OLAH: variants seen among roughly 807,000 people sequenced by gnomAD.
OLAH encodes oleoyl-ACP hydrolase, also known as S-acyl fatty acid synthase thioesterase, medium chain.
A neutral mutation model predicts 27.8 loss-of-function variants in OLAH; 33 were observed. That is an observed-to-expected ratio of 1.19 (90% confidence interval 0.90 to 1.59). The LOEUF (loss-of-function observed/expected upper bound fraction) is 1.59. OLAH is among the 40% of genes most tolerant of loss of function. The pLI, the probability that OLAH is intolerant of heterozygous loss-of-function variation, is 0.00. For missense variants in OLAH, 359 were observed against 310.8 expected (o/e 1.16, Z -1.17); for synonymous variants, 120 against 102.9 (o/e 1.17, Z -1.01).
intron 1 of OLAH, among the ~76,000 whole-genome samples, chr10:15,044,736 T>C (rs952713995): frequency 6.6e-6 from 1 of 152,194 alleles, no homozygotes; most frequent in Non-Finnish European, 1.5e-5. Flanking sequence ...GCAGTTCTTG[T>C]CTCTTAGTAC....
chr10:15,064,338 C>A, intron 4 of OLAH, 65 bp from the exon 5 acceptor site: 1 of 898,888 alleles, frequency 1.1e-6, no homozygotes, highest in Non-Finnish European at 1.8e-6. Context: ...TTCCTTTTGA[C>A]TTTCGGTGGA....
chr10:15,051,078 A>ATTTTTTT (rs35201278), intron 3 of OLAH, among the ~76,000 whole-genome samples: 1 of 134,846 alleles, frequency 7.4e-6, no homozygotes, highest in African/African-American at 2.9e-5. Flanking sequence ...TATTATTATT[A>ATTTTTTT]TTTTTTTTTT....
chr10:15,064,338 CT>C, intron 4 of OLAH, 64 bp from the exon 5 acceptor site: 1 of 898,894 alleles, frequency 1.1e-6, no homozygotes, highest in Admixed American at 2.2e-5. Context: ...TTCCTTTTGA[CT>C]TTCGGTGGAT....
At chr10:15,071,606 T>C (rs1202421195) in intron 6 of OLAH, 189 bp from the exon 7 acceptor site, 1 of 985,178 alleles carries the variant, frequency 1.0e-6, no homozygotes, top group Non-Finnish European at 1.2e-6. Context: ...TATTGGAAAT[T>C]AGTCTCCACA....
chr10:15,062,464 A>G lies in OLAH; in HGVS notation c.302+602A>G, dbSNP rs1844386611. On this transcript the variant is annotated intron_variant, in intron 4 of 7. Coordinates refer to ENST00000378228, the MANE Select transcript of OLAH (RefSeq NM_001039702.3). Reference sequence around the variant, plus strand: ...TAACAATGCTTTAAAATTCTGATGTAGTTCCTTAGTATTTTTACACAATGG... The same window carrying G: ...TAACAATGCTTTAAAATTCTGATGTGGTTCCTTAGTATTTTTACACAATGG... Among the ~76,000 whole-genome samples, 3 of 152,034 alleles carry G rather than the reference A, an allele frequency of 2.0e-5. No individual in the cohort carries two copies. In the South Asian group the frequency reaches 6.2e-4, roughly 32 times the overall value.
intron 6 of OLAH, among the ~76,000 whole-genome samples, chr10:15,067,077 T>C (rs781481243): frequency 1.3e-5 from 2 of 152,230 alleles, no homozygotes; most frequent in African/African-American, 4.8e-5. Context: ...GTTAATTCGC[T>C]TGACTTAATC....
rs7917664 is a variant in OLAH at position 15,073,516 on chromosome 10, C to T, written c.*287C>T. 77,103 of 232,650 alleles carry T rather than the reference C, an allele frequency of 0.33. 13,804 individuals carry two copies. Among genetic ancestry groups the T allele is most frequent in the African/African-American group, 0.47 (19,921 of 42,372 alleles). The allele number at this position is 232,650 out of a possible 1,614,324, so 14.4% of individuals were successfully genotyped here. Reference sequence around the variant, plus strand: ...TCTACTAAAAATACACAAAATTAGCCGGGCGTGGTGGTGGGCACCTGTAGT... The same window carrying T: ...TCTACTAAAAATACACAAAATTAGCTGGGCGTGGTGGTGGGCACCTGTAGT... On this transcript the variant is annotated 3_prime_UTR_variant, in exon 8 of 8. Transcript: ENST00000378228.
At chr10:15,069,212 T>C (rs1844531564) in intron 6 of OLAH, among the ~76,000 whole-genome samples, 1 of 152,134 alleles carries the variant, frequency 6.6e-6, no homozygotes, top group Non-Finnish European at 1.5e-5. Context: ...GCAAACACAT[T>C]TTTGCCTTCT....
intron 1 of OLAH, among the ~76,000 whole-genome samples, chr10:15,032,543 C>T (rs1843774383): frequency 6.7e-6 from 1 of 149,964 alleles, no homozygotes; most frequent in South Asian, 2.1e-4. Context: ...ATCACTTGAA[C>T]CCGGGAGGCA....
chr10:15,071,797 C>G lies in OLAH; in HGVS notation c.575C>G (p.Ser192Cys), dbSNP rs1418335678. The stretch of plus-strand genomic sequence containing the variant: ...AACCAGCTCTTTTATGTTTATAGCT[C>G]TAACGTACCATCTAAGGCTGTTCTT... Reference protein sequence around the residue: ...ADLNIVRSCTSNVPSKAVLSC... With the variant: ...ADLNIVRSCTCNVPSKAVLSC... The change falls in exon 7 of 8, where the codon TCT (serine) becomes TGT (cysteine). Residue 192 changes from serine to cysteine, a missense_variant and splice_region_variant. By Grantham distance (112) the Ser-to-Cys change is moderately radical (BLOSUM62 -1). Coordinates refer to ENST00000378228, the MANE Select transcript of OLAH (RefSeq NM_001039702.3). The G allele has an allele frequency of 6.2e-7, 1 of 1,611,042 alleles. No individual in the cohort carries two copies. The highest frequency in any genetic ancestry group is 2.2e-5 in the East Asian group (1 of 44,862).
At position 15,073,280 on chromosome 10, in the gene OLAH, C is replaced by G. The variant is rs1227270502; in HGVS notation, c.*51C>G. ...AATCAAAGTAATATCATACTCTTCT[C>G]AGTTATTCAGATATAGCTCAGTTTT... On this transcript the variant is annotated 3_prime_UTR_variant, in exon 8 of 8. Coordinates refer to ENST00000378228, the MANE Select transcript of OLAH (RefSeq NM_001039702.3). 8.2e-7 allele frequency: 1 copy of G among 1,222,890 alleles called. No homozygotes were observed. The highest frequency in any genetic ancestry group is 1.2e-6 in the Non-Finnish European group (1 of 856,160). 75.8% of individuals were successfully genotyped at this position (1,222,890 alleles called of 1,614,324 possible).
chr10:15,056,906 TGGCGTGAGCCACCGTA>T (rs758360448), intron 3 of OLAH: 246 of 1,536,116 alleles, frequency 1.6e-4, no homozygotes, highest in South Asian at 4.3e-4. Flanking sequence ...ACCCATGTGC[TGGCGTGAGCCACCGTA>T]GGCGTGAGCC....
In OLAH at chr10:15,047,123, C is replaced by T. The variant is rs1844033783; in HGVS notation, c.-163-3C>T. On this transcript the variant is annotated splice_region_variant and splice_polypyrimidine_tract_variant and intron_variant, in intron 1 of 7. Transcript: ENST00000378228. ...TTCCTCTGACCTTCTTTATTTTTAA[C>T]AGGGATTGGAGAGGTCAATAAGAGT... The T allele has an allele frequency of 2.0e-6, 1 of 494,900 alleles. No individual in the cohort carries two copies. The highest frequency in any genetic ancestry group is 3.5e-6 in the Non-Finnish European group (1 of 283,450). 30.7% of individuals were successfully genotyped at this position (494,900 alleles called of 1,614,324 possible). A position where few individuals can be genotyped will look rare whatever the true frequency, so the allele number is the denominator to read the frequency against.
chr10:15,065,899 T>C (rs1387374178), intron 6 of OLAH, 146 bp downstream of exon 6: 1 of 670,572 alleles, frequency 1.5e-6, no homozygotes, highest in African/African-American at 1.8e-5. Flanking sequence ...CTATGGTATG[T>C]ATACTGGTTT....
At chr10:15,065,830 G>T in intron 6 of OLAH, 77 bp downstream of exon 6, 2 of 1,359,486 alleles carry the variant, frequency 1.5e-6, no homozygotes, top group Non-Finnish European at 2.0e-6. Flanking sequence ...AGTGCTCTGA[G>T]GTTGCTTATG....
intron 6 of OLAH, among the ~76,000 whole-genome samples, chr10:15,066,555 G>A (rs1940469419): frequency 6.6e-6 from 1 of 151,746 alleles, no homozygotes; most frequent in African/African-American, 2.4e-5. Flanking sequence ...TGATAGAACT[G>A]AAGTCCTGAT....
chr10:15,073,154 G>A lies in OLAH; in HGVS notation c.723G>A (p.Leu241=). 6.2e-7 allele frequency: 1 copy of A among 1,611,658 alleles called. No homozygotes were observed. The highest frequency in any genetic ancestry group is 1.1e-5 in the South Asian group (1 of 91,018). ...TTCCAGGGGGTCACTTTTATCTTCT[G>A]GATCCTGCGAACGAGAAATTAATCA... The part of the protein sequence containing the change: ...YQLPGGHFYL[L]DPANEKLIKN... The change falls in exon 8 of 8, where the codon CTG becomes CTA. Residue 241 remains leucine (L), a synonymous_variant. Coordinates refer to ENST00000378228, the MANE Select transcript of OLAH (RefSeq NM_001039702.3).
In OLAH at chr10:15,061,748, G is replaced by A. The variant is rs1267142685; in HGVS notation, c.188G>A (p.Arg63Lys). 6.2e-7 allele frequency: 1 copy of A among 1,612,942 alleles called. No homozygotes were observed. Among genetic ancestry groups the A allele is most frequent in the Non-Finnish European group, 8.5e-7 (1 of 1,179,578 alleles). Reference protein sequence around the residue: ...LEVHSLRLPGRESRVEEPLEN... With the variant: ...LEVHSLRLPGKESRVEEPLEN... ...GTGCACTCCTTAAGGCTTCCTGGAA[G>A]AGAAAGCAGAGTTGAAGAACCTCTT... The change falls in exon 4 of 8, where the codon AGA becomes AAA. Residue 63 changes from arginine to lysine, a missense_variant. Arg to Lys is a conservative substitution (Grantham distance 26, BLOSUM62 2). Coordinates refer to ENST00000378228, the MANE Select transcript of OLAH (RefSeq NM_001039702.3).
chr10:15,048,131 G>A (rs573194468), intron 2 of OLAH, among the ~76,000 whole-genome samples: 4 of 152,218 alleles, frequency 2.6e-5, no homozygotes, highest in Admixed American at 6.5e-5. Flanking sequence ...CAGATAGGAT[G>A]ACTTTTTCAA....
Sources: allele counts gnomAD v4.1 joint callset (sites outside exome capture counted in the v4.1 genomes callset), GRCh38; gene constraint gnomAD v4.1.1; transcripts MANE v1.5; gene names NCBI Gene and HGNC (gene_info 2026-07-23, HGNC 2026-07-21).